Variants in TNS3 observed in about 807,000 individuals in gnomAD.
TNS3 encodes tensin 3, also known as tensin-3.
Under a neutral mutation model 140.9 loss-of-function variants are expected in TNS3, and 45 were observed. That is an observed-to-expected ratio of 0.32 (90% CI 0.25 to 0.41). The LOEUF (loss-of-function observed/expected upper bound fraction) is 0.41, where lower values mean the gene tolerates loss of function less well. TNS3 is among the 10% of genes least tolerant of loss of function. The pLI is 1.00. For missense variants in TNS3, 1,716 were observed against 1,906.7 expected, an observed-to-expected ratio of 0.90 and a Z score of 1.86; for synonymous variants, 815 against 788.4, an observed-to-expected ratio of 1.03 and a Z score of -0.56.
chr7:47,291,817 C>T (rs1785720848), intron 27 of TNS3, 138 bp downstream of exon 27: 3 of 923,582 alleles, frequency 3.2e-6, no homozygotes, highest in Non-Finnish European at 3.2e-6. Flanking sequence ...TCTGTGCAAG[C>T]TTCTATAAAA....
chr7:47,346,166 G>C, intron 18 of TNS3, 21 bp downstream of exon 18: 1 of 1,610,520 alleles, frequency 6.2e-7, no homozygotes, highest in Non-Finnish European at 8.5e-7. Context: ...CCAGAAACTG[G>C]GACCTGGCTG....
intron 23 of TNS3, among the ~76,000 whole-genome samples, chr7:47,299,481 C>T (rs551622904): frequency 1.3e-5 from 2 of 152,152 alleles, no homozygotes; most frequent in Non-Finnish European, 2.9e-5. Flanking sequence ...AGATCACTTA[C>T]ATTTTGTTTC....
chr7:47,493,879 T>G (rs1797907512), intron 3 of TNS3, among the ~76,000 whole-genome samples: 1 of 150,598 alleles, frequency 6.6e-6, no homozygotes, highest in Non-Finnish European at 1.5e-5. Flanking sequence ...CCCTAAGAGC[T>G]CACAACTTAT....
At chr7:47,564,650 C>CAAAA (rs397961987) in intron 1 of TNS3, among the ~76,000 whole-genome samples, 4 of 99,106 alleles carry the variant, frequency 4.0e-5, no homozygotes, top group Non-Finnish European at 7.9e-5. Flanking sequence ...AAAAAAAAAA[C>CAAAA]AAAAAAAAAC....
chr7:47,411,021 G>A (rs1281637264), intron 13 of TNS3, among the ~76,000 whole-genome samples: 1 of 152,196 alleles, frequency 6.6e-6, no homozygotes, highest in Non-Finnish European at 1.5e-5. Context: ...TGCACCAGCT[G>A]TATTTCACAC....
rs555028417 is a variant in TNS3 at position 47,375,755 on chromosome 7, G to T, written c.1025-6134C>A. On this transcript the variant is annotated intron_variant, in intron 16 of 30. Coordinates refer to ENST00000311160, the MANE Select transcript of TNS3 (RefSeq NM_022748.12). ...GCATGCTAACAATCAGATAGCCAAA[G>T]GGACAGCTGATCTCACACTTCAGCA... is the stretch of plus-strand genomic sequence containing the variant. 4.6e-5 allele frequency among the ~76,000 whole-genome samples: 7 copies of T among 152,322 alleles called. No homozygotes were observed. The East Asian group carries it at 1.3e-3, about 29-fold the overall frequency.
At position 47,505,163 on chromosome 7, in the gene TNS3, C is replaced by T. The variant is rs565486825; in HGVS notation, c.-115+1744G>A. Among the ~76,000 whole-genome samples the T allele has an allele frequency of 1.6e-4, 25 of 152,200 alleles. 1 individual carries two copies. In the East Asian group the frequency reaches 3.1e-3, roughly 19 times the overall value. On this transcript the variant is annotated intron_variant, in intron 3 of 30. Coordinates refer to ENST00000311160, the MANE Select transcript of TNS3 (RefSeq NM_022748.12). ...CAGCCGACCCAAGGTGCAAGCAATG[C>T]GGACAAAGGCACCATACAACAGGGG...
intron 4 of TNS3, among the ~76,000 whole-genome samples, chr7:47,453,575 G>C (rs533392987): frequency 1.3e-5 from 2 of 151,948 alleles, no homozygotes; most frequent in South Asian, 4.2e-4. Flanking sequence ...ATGACTCATC[G>C]AATGAATTCA....
At chr7:47,294,796 A>G (rs1242742618) in intron 24 of TNS3, among the ~76,000 whole-genome samples, 1 of 152,238 alleles carries the variant, frequency 6.6e-6, no homozygotes, top group African/African-American at 2.4e-5. Context: ...GCTGTGTTGA[A>G]TTAAAGTGGG....
At chr7:47,575,674 G>C (rs933541463) in intron 1 of TNS3, among the ~76,000 whole-genome samples, 1 of 151,624 alleles carries the variant, frequency 6.6e-6, no homozygotes, top group Non-Finnish European at 1.5e-5. Flanking sequence ...AATTAGCCGG[G>C]CAGCCAGGCG....
At chr7:47,289,483 G>A (rs1030296315) in intron 27 of TNS3, among the ~76,000 whole-genome samples, 1 of 152,164 alleles carries the variant, frequency 6.6e-6, no homozygotes. Flanking sequence ...TTAAACTGGG[G>A]CCACTACGAC....
rs139305381 is a variant in TNS3, at chr7:47,314,852, C to G, written c.2651-9849G>C. 1.4e-3 allele frequency among the ~76,000 whole-genome samples: 211 copies of G among 152,322 alleles called. 2 individuals are homozygous for G. Among genetic ancestry groups the G allele is most frequent in the African/African-American group, 4.7e-3 (197 of 41,580 alleles). Reference sequence around the variant, plus strand: ...TAAGCCCGCTGCTCTCTCCAGAGCCCTGCGCCTGTGGCAGCCTGTCTCTCT... The same window carrying G: ...TAAGCCCGCTGCTCTCTCCAGAGCCGTGCGCCTGTGGCAGCCTGTCTCTCT... On this transcript the variant is annotated intron_variant, in intron 20 of 30. Transcript: ENST00000311160.
In TNS3 at chr7:47,407,522, A is replaced by G. The variant is rs1008218100; in HGVS notation, c.723+4205T>C. On this transcript the variant is annotated intron_variant, in intron 13 of 30. Coordinates refer to ENST00000311160, the MANE Select transcript of TNS3 (RefSeq NM_022748.12). This position sits in a 1 kb window ranked among gnomAD's most constrained non-coding sequence, Gnocchi z 4.1. ...CACAGCCACAGGGACTGGGCCGTCA[A>G]TGGCACCTGACTGCGCTAGTAATCT... 1.3e-5 allele frequency among the ~76,000 whole-genome samples: 2 copies of G among 152,214 alleles called. No individual in the cohort carries two copies. The highest frequency in any genetic ancestry group is 2.1e-4 in the South Asian group (1 of 4,828).
intron 3 of TNS3, among the ~76,000 whole-genome samples, chr7:47,501,454 G>A (rs564701820): frequency 4.6e-5 from 7 of 152,302 alleles, no homozygotes; most frequent in East Asian, 1.9e-4. Context: ...TGCAGCCTCC[G>A]TGGCCTGTGT....
chr7:47,538,888 T>G (rs1799700005), intron 1 of TNS3, among the ~76,000 whole-genome samples: 1 of 152,188 alleles, frequency 6.6e-6, no homozygotes, highest in Non-Finnish European at 1.5e-5. Context: ...TATCCAAACT[T>G]TAGTCTTTTC....
chr7:47,415,008 C>A, intron 11 of TNS3, 86 bp downstream of exon 11: 1 of 1,000,974 alleles, frequency 1.0e-6, no homozygotes, highest in Admixed American at 2.4e-5. Flanking sequence ...GAAGGAAAGC[C>A]GAGGCTTATC....
intron 20 of TNS3, among the ~76,000 whole-genome samples, chr7:47,332,558 T>A (rs1048495879): frequency 5.3e-5 from 8 of 152,122 alleles, no homozygotes; most frequent in Non-Finnish European, 7.4e-5. Flanking sequence ...CAGGACCGCC[T>A]CCCTTCCTCA....
At chr7:47,424,437 CT>C (rs1334762672) in intron 9 of TNS3, among the ~76,000 whole-genome samples, 3 of 152,204 alleles carry the variant, frequency 2.0e-5, no homozygotes, top group Non-Finnish European at 4.4e-5. Flanking sequence ...AGCTCCTTAT[CT>C]AAAGATATTA....
intron 1 of TNS3, among the ~76,000 whole-genome samples, chr7:47,572,091 G>A (rs1000909320): frequency 3.3e-5 from 5 of 152,218 alleles, no homozygotes; most frequent in Non-Finnish European, 7.3e-5. Flanking sequence ...CATGGGCTCC[G>A]CACAGACAAC....
Sources: allele counts gnomAD v4.1 joint callset (sites outside exome capture counted in the v4.1 genomes callset), GRCh38; gene constraint gnomAD v4.1.1; non-coding constraint Gnocchi (gnomAD v3.1); transcripts MANE v1.5; gene names NCBI Gene and HGNC (gene_info 2026-07-23, HGNC 2026-07-21).